The following CFAP144 variants were observed in gnomAD, a reference collection of about 807,000 sequenced individuals.
CFAP144 encodes cilia and flagella associated protein 144.
the CFAP144 span, among the ~76,000 whole-genome samples, chr1:43,151,082 C>T: frequency 0.22 from 34,165 of 152,126 alleles, 5,522 homozygotes; most frequent in African/African-American, 0.44. Context: ...AGCCAACTAA[C>T]GTTCCTATTG....
chr1:43,156,331 C>A, the CFAP144 span: 1 of 1,582,802 alleles, frequency 6.3e-7, no homozygotes, highest in Non-Finnish European at 8.7e-7. Context: ...GCGGATGAGC[C>A]CATCTGTGGA....
the CFAP144 span, among the ~76,000 whole-genome samples, chr1:43,154,615 G>T: frequency 6.6e-6 from 1 of 151,780 alleles, no homozygotes; most frequent in South Asian, 2.1e-4. Flanking sequence ...ATGAATAATG[G>T]GTCAATATTC....
the CFAP144 span, among the ~76,000 whole-genome samples, chr1:43,154,062 GTATATATA>G: frequency 0.054 from 4,540 of 83,648 alleles, 220 homozygotes; most frequent in African/African-American, 0.12. Flanking sequence ...ATATGTGTGT[GTATATATA>G]TATATATATA....
the CFAP144 span, chr1:43,145,045 A>C: frequency 1.8e-6 from 1 of 565,012 alleles, no homozygotes; most frequent in African/African-American, 1.9e-5. Flanking sequence ...GATCCTGGTT[A>C]CCTTGATACT....
the CFAP144 span, chr1:43,145,170 G>T: frequency 8.8e-7 from 1 of 1,138,280 alleles, no homozygotes; most frequent in Non-Finnish European, 1.3e-6. Flanking sequence ...CCTGCATGAG[G>T]TTCTCTACGT....
At chr1:43,147,730 G>C in the CFAP144 span, 1 of 1,407,688 alleles carries the variant, frequency 7.1e-7, no homozygotes, top group Middle Eastern at 2.6e-4. Context: ...TACAGTGCCA[G>C]AATAGGGCGG....
At chr1:43,156,133 GC>G in the CFAP144 span, 1 of 1,247,616 alleles carries the variant, frequency 8.0e-7, no homozygotes, top group Non-Finnish European at 1.2e-6. Context: ...TATAAGCCAG[GC>G]CCATTGACTC....
At chr1:43,145,362 C>T in the CFAP144 span, 2 of 1,228,496 alleles carry the variant, frequency 1.6e-6, no homozygotes, top group Non-Finnish European at 1.2e-6. Flanking sequence ...ACATAGGGCA[C>T]AAGGTCCCTG....
chr1:43,153,126 A>C, the CFAP144 span: 1 of 605,732 alleles, frequency 1.7e-6, no homozygotes, highest in Admixed American at 3.1e-5. Flanking sequence ...CCTATCTCAT[A>C]AGCTTGTTAT....
At chr1:43,154,060 GTGTATATATATATA>G in the CFAP144 span, among the ~76,000 whole-genome samples, 57 of 71,764 alleles carry the variant, frequency 7.9e-4, no homozygotes, top group African/African-American at 1.6e-3. Context: ...ATATATGTGT[GTGTATATATATATA>G]TATATATATA....
chr1:43,144,557 T>C, the CFAP144 span, among the ~76,000 whole-genome samples: 2 of 152,096 alleles, frequency 1.3e-5, no homozygotes, highest in Admixed American at 1.3e-4. Context: ...TTTCTGCTGT[T>C]TTTCCTCAGT....
the CFAP144 span, among the ~76,000 whole-genome samples, chr1:43,150,578 T>C: frequency 6.6e-6 from 1 of 152,256 alleles, no homozygotes. Context: ...AGTGCCACTC[T>C]AGATTGTGAG....
chr1:43,145,122 G>T, the CFAP144 span: 7 of 675,812 alleles, frequency 1.0e-5, no homozygotes, highest in Admixed American at 2.5e-5. Context: ...CCTTTTTTTT[G>T]ACAGTTTGCT....
the CFAP144 span, among the ~76,000 whole-genome samples, chr1:43,149,973 G>A: frequency 4.3e-4 from 66 of 152,072 alleles, no homozygotes; most frequent in African/African-American, 8.0e-4. Context: ...CTCTCTTGAC[G>A]TTTCTCAAAC....
the CFAP144 span, chr1:43,152,959 A>T: frequency 6.3e-7 from 1 of 1,593,750 alleles, no homozygotes; most frequent in Non-Finnish European, 8.6e-7. Context: ...CTCAGGAAAT[A>T]CGAGGAAACA....
the CFAP144 span, among the ~76,000 whole-genome samples, chr1:43,155,769 A>G: frequency 6.6e-6 from 1 of 152,242 alleles, no homozygotes; most frequent in African/African-American, 2.4e-5. Flanking sequence ...GCCAGACTCA[A>G]TGACCATCAT....
chr1:43,153,117 C>G, the CFAP144 span: 1 of 646,440 alleles, frequency 1.5e-6, no homozygotes, highest in East Asian at 2.9e-5. Context: ...AATACAGTAC[C>G]TATCTCATAA....
At chr1:43,154,020 C>T in the CFAP144 span, among the ~76,000 whole-genome samples, 1 of 138,220 alleles carries the variant, frequency 7.2e-6, no homozygotes, top group Non-Finnish European at 1.6e-5. Flanking sequence ...TTTTCTCTAA[C>T]TTTTTTTTCT....
the CFAP144 span, among the ~76,000 whole-genome samples, chr1:43,154,548 C>T: frequency 0.068 from 10,201 of 150,988 alleles, 679 homozygotes; most frequent in East Asian, 0.28. Flanking sequence ...GAGGTAACAT[C>T]GTGAATAAGA....
Sources: gnomAD v4.1 joint callset for allele counts (sites outside exome capture counted in the v4.1 genomes callset) on GRCh38, gnomAD v4.1.1 for gene constraint, MANE v1.5 for transcripts, NCBI Gene and HGNC (gene_info 2026-07-23, HGNC 2026-07-21) for gene names.